The following ACP3 variants were observed in gnomAD, a reference collection of about 807,000 sequenced individuals.
ACP3 encodes prostatic acid phosphatase.
Under a neutral mutation model 45.6 loss-of-function variants are expected in ACP3, and 38 were observed. The ratio of observed to expected loss-of-function variants is 0.83; its 90% CI spans 0.64 to 1.09. The LOEUF is 1.09. Ranked by LOEUF, ACP3 falls within the 50% of genes least tolerant of loss-of-function variation. The probability of loss-of-function intolerance (pLI) is 0.00; values close to 1 mark genes in which losing one functional copy is unlikely to be tolerated. For synonymous variants in ACP3, 162 were observed against 164.7 expected, an observed-to-expected ratio of 0.98 and a Z score of 0.13; for missense variants, 466 against 463.2, an observed-to-expected ratio of 1.01 and a Z score of -0.05.
At chr3:132,339,053 C>G (rs1174145925) in intron 5 of ACP3, among the ~76,000 whole-genome samples, 2 of 152,096 alleles carry the variant, frequency 1.3e-5, no homozygotes, top group African/African-American at 2.4e-5. Flanking sequence ...CAAGAGGCCC[C>G]AGTGTGTCTT....
intron 7 of ACP3, among the ~76,000 whole-genome samples, chr3:132,348,640 G>T (rs1400415065): frequency 6.6e-6 from 1 of 152,136 alleles, no homozygotes; most frequent in East Asian, 1.9e-4. Flanking sequence ...GCACCAACAT[G>T]GCATGTGAAT....
At chr3:132,349,342 A>G (rs1937665210) in intron 7 of ACP3, among the ~76,000 whole-genome samples, 1 of 152,118 alleles carries the variant, frequency 6.6e-6, no homozygotes, top group African/African-American at 2.4e-5. Flanking sequence ...CAATAGTGAC[A>G]CCTAGGGTAA....
At chr3:132,320,134 A>C (rs1305933682) in intron 1 of ACP3, among the ~76,000 whole-genome samples, 1 of 152,198 alleles carries the variant, frequency 6.6e-6, no homozygotes, top group Non-Finnish European at 1.5e-5. Flanking sequence ...AGTAATCCTA[A>C]GTCTTTAACA....
rs919953708 is a variant in ACP3, at chr3:132,356,955, A to G, written c.*77A>G. ...GATGCTTTGAGAACATACTTTGGCC[A>G]TTACCCCCAGCTTTGAGGAAAATGG... is the stretch of plus-strand genomic sequence containing the variant. On this transcript the variant is annotated 3_prime_UTR_variant, in exon 10 of 10. Transcript: ENST00000336375. 2.7e-6 allele frequency: 4 copies of G among 1,504,794 alleles called. No homozygotes were observed. Among genetic ancestry groups the G allele is most frequent in the Admixed American group, 2.3e-5 (1 of 42,656 alleles). The allele number at this position is 1,504,794 out of a possible 1,614,324, so 93.2% of individuals were successfully genotyped here.
chr3:132,331,628 TTTTA>T lies in ACP3; in HGVS notation c.217-15_217-12del. ...AGAACTTACTTTCATTAATTTTTGC[TTTTA>T]TTTTTTTCCCATAGCTGGGCATGGA... On this transcript the variant is annotated splice_polypyrimidine_tract_variant and intron_variant, in intron 2 of 9. Transcript: ENST00000336375. 1 of 1,565,678 alleles carries T rather than the reference TTTTA, an allele frequency of 6.4e-7. No homozygotes were observed. The highest frequency in any genetic ancestry group is 8.6e-7 in the Non-Finnish European group (1 of 1,162,866).
At chr3:132,327,507 C>CA (rs1390973212) in intron 1 of ACP3, among the ~76,000 whole-genome samples, 1 of 142,058 alleles carries the variant, frequency 7.0e-6, no homozygotes, top group Non-Finnish European at 1.5e-5. Context: ...GAGCAAGACT[C>CA]AGTCTCGAAA....
At chr3:132,341,248 A>T (rs1051213877) in intron 5 of ACP3, among the ~76,000 whole-genome samples, 1 of 152,196 alleles carries the variant, frequency 6.6e-6, no homozygotes, top group African/African-American at 2.4e-5. Context: ...ATAAGCATAC[A>T]GGCTTTTGAA....
intron 7 of ACP3, among the ~76,000 whole-genome samples, chr3:132,345,457 C>A (rs1348157875): frequency 6.6e-6 from 1 of 152,118 alleles, no homozygotes; most frequent in East Asian, 1.9e-4. Context: ...TCAATTGTGT[C>A]TTGTGGCCTA....
intron 8 of ACP3, among the ~76,000 whole-genome samples, chr3:132,351,159 G>A (rs1248944978): frequency 1.3e-5 from 2 of 152,316 alleles, no homozygotes; most frequent in East Asian, 3.9e-4. Context: ...GGGCATCCCA[G>A]CAGAAAACTT....
downstream of ACP3, chr3:132,358,951 T>G: frequency 1.1e-6 from 1 of 915,638 alleles, no homozygotes; most frequent in Non-Finnish European, 1.3e-6. Context: ...GAAAATATAG[T>G]TTGGACTTTA....
intron 2 of ACP3, among the ~76,000 whole-genome samples, chr3:132,331,041 A>T (rs1937389799): frequency 6.6e-6 from 1 of 152,230 alleles, no homozygotes; most frequent in South Asian, 2.1e-4. Flanking sequence ...TTGTTAAAAA[A>T]TATTCTTGAG....
intron 7 of ACP3, among the ~76,000 whole-genome samples, chr3:132,348,755 A>T (rs1937649580): frequency 6.6e-6 from 1 of 152,148 alleles, no homozygotes; most frequent in South Asian, 2.1e-4. Context: ...ATCCTCAAGG[A>T]ATTTCCAGTA....
At chr3:132,341,375 T>G (rs1300067816) in intron 5 of ACP3, among the ~76,000 whole-genome samples, 1 of 152,238 alleles carries the variant, frequency 6.6e-6, no homozygotes, top group African/African-American at 2.4e-5. Context: ...TTTTAACATT[T>G]TTTAATACAA....
intron 5 of ACP3, among the ~76,000 whole-genome samples, chr3:132,339,146 TC>T (rs953365707): frequency 3.7e-4 from 56 of 152,216 alleles, no homozygotes; most frequent in African/African-American, 1.3e-3. Context: ...TGACTATTTT[TC>T]TTTTGGATGA....
At chr3:132,338,228 G>A (rs1217311716) in intron 5 of ACP3, among the ~76,000 whole-genome samples, 2 of 146,008 alleles carry the variant, frequency 1.4e-5, no homozygotes, top group Non-Finnish European at 3.0e-5. Context: ...TTCTTCTTTT[G>A]TTACACGAAA....
rs1157511307 is a variant in ACP3, at chr3:132,356,647, A to G, written c.969-39A>G. 5 of 1,611,090 alleles carry G rather than the reference A, an allele frequency of 3.1e-6. No homozygotes were observed. The African/African-American group carries it at 5.3e-5, about 17-fold the overall frequency. On this transcript the variant is annotated intron_variant, in intron 9 of 9. Coordinates refer to ENST00000336375, the MANE Select transcript of ACP3 (RefSeq NM_001099.5). ...AAATTCAGTGGCAGTTCAACAACAC[A>G]GAACTAACAGAGCTCTCTCCTCTGC...
intron 9 of ACP3, among the ~76,000 whole-genome samples, chr3:132,355,884 C>G (rs1221058228): frequency 6.6e-6 from 1 of 151,684 alleles, no homozygotes; most frequent in Admixed American, 6.6e-5. Flanking sequence ...TTTTAAAAGG[C>G]TTGTTTATAA....
chr3:132,328,815 G>A lies in ACP3; in HGVS notation c.216+453G>A, dbSNP rs150818137. On this transcript the variant is annotated intron_variant, in intron 2 of 9. Coordinates refer to ENST00000336375, the MANE Select transcript of ACP3 (RefSeq NM_001099.5). ...ATGTACATGAACAAAGACTATATGAGCTTAGAAATGCTGAAGAGAGCCAAG... is the reference window on the plus strand; with the variant it reads ...ATGTACATGAACAAAGACTATATGAACTTAGAAATGCTGAAGAGAGCCAAG... Among the ~76,000 whole-genome samples the A allele has an allele frequency of 5.3e-3, 803 of 152,106 alleles. 6 individuals carry two copies. Among genetic ancestry groups the A allele is most frequent in the African/African-American group, 0.018 (754 of 41,486 alleles).
At chr3:132,332,404 A>C (rs1312245273) in intron 4 of ACP3, 60 bp downstream of exon 4, 95 of 1,590,508 alleles carry the variant, frequency 6.0e-5, no homozygotes, top group Non-Finnish European at 8.0e-5. Context: ...AAGGCAGGCT[A>C]CTCAACAGTT....
Sources: gnomAD v4.1 joint callset for allele counts (sites outside exome capture counted in the v4.1 genomes callset) on GRCh38, gnomAD v4.1.1 for gene constraint, MANE v1.5 for transcripts, NCBI Gene and HGNC (gene_info 2026-07-23, HGNC 2026-07-21) for gene names.